The following ANKFN1 variants were observed in gnomAD, a reference collection of about 807,000 sequenced individuals.
The protein encoded by ANKFN1 is ankyrin repeat and fibronectin type III domain containing 1.
In ANKFN1, 74 loss-of-function variants were observed where a neutral mutation model predicts 108.7. The observed-to-expected ratio is 0.68, with a 90% CI of 0.56 to 0.83. ANKFN1 has a LOEUF of 0.83. ANKFN1 is among the 40% of genes least tolerant of loss of function. ANKFN1 has a pLI of 0.00. For missense variants in ANKFN1, 1,505 were observed against 1,382.3 expected (o/e 1.09, Z -1.41); for synonymous variants, 547 against 516.2 (o/e 1.06, Z -0.81).
At chr17:56,348,784 T>C (rs1301648503) in intron 4 of ANKFN1, among the ~76,000 whole-genome samples, 1 of 152,066 alleles carries the variant, frequency 6.6e-6, no homozygotes, top group Non-Finnish European at 1.5e-5. Flanking sequence ...ACTTTTACAG[T>C]ATTGGTGGGA....
At chr17:56,407,813 A>G (rs2047965632) in intron 8 of ANKFN1, among the ~76,000 whole-genome samples, 2 of 152,208 alleles carry the variant, frequency 1.3e-5, no homozygotes, top group African/African-American at 4.8e-5. Context: ...ATAAGTTTCA[A>G]TAAAATTTCT....
At chr17:56,439,961 A>G (rs1481915059) in intron 8 of ANKFN1, among the ~76,000 whole-genome samples, 1 of 152,120 alleles carries the variant, frequency 6.6e-6, no homozygotes, top group East Asian at 1.9e-4. Context: ...ACACAAATGC[A>G]CACACACACA....
intron 4 of ANKFN1, among the ~76,000 whole-genome samples, chr17:56,076,776 A>G (rs1905186888): frequency 6.6e-6 from 1 of 152,198 alleles, no homozygotes; most frequent in Non-Finnish European, 1.5e-5. Flanking sequence ...AATTATTATC[A>G]TATGCAGGTA....
At chr17:56,476,749 A>T (rs2050513641) in intron 15 of ANKFN1, among the ~76,000 whole-genome samples, 1 of 152,242 alleles carries the variant, frequency 6.6e-6, no homozygotes, top group South Asian at 2.1e-4. Flanking sequence ...AAAAATGTGA[A>T]GACTTCAAAT....
chr17:56,169,334 C>T (rs1012507296), intron 1 of ANKFN1, among the ~76,000 whole-genome samples: 3 of 152,036 alleles, frequency 2.0e-5, no homozygotes, highest in Non-Finnish European at 4.4e-5. Flanking sequence ...TGCAGTGGCA[C>T]AATCATAGCT....
intron 10 of ANKFN1, among the ~76,000 whole-genome samples, chr17:56,444,344 T>TC (rs1248029093): frequency 6.6e-6 from 1 of 152,220 alleles, no homozygotes; most frequent in Admixed American, 6.5e-5. Context: ...TGTCCATGTG[T>TC]CTTCATAACT....
At chr17:56,108,301 TG>T (rs1905789342) in intron 4 of ANKFN1, among the ~76,000 whole-genome samples, 1 of 152,222 alleles carries the variant, frequency 6.6e-6, no homozygotes. Context: ...CCCAAAGTGC[TG>T]GGATTACAGG....
chr17:56,369,022 T>C lies in ANKFN1; in HGVS notation c.602-3624T>C, dbSNP rs542349284. 2.6e-4 allele frequency among the ~76,000 whole-genome samples: 39 copies of C among 152,320 alleles called. No individual in the cohort carries two copies. In the South Asian group the frequency reaches 7.7e-3, roughly 30 times the overall value. On this transcript the variant is annotated intron_variant, in intron 6 of 20. Coordinates refer to ENST00000682825, the MANE Select transcript of ANKFN1 (RefSeq NM_001370326.1). The stretch of plus-strand genomic sequence containing the variant: ...TGCATTCTAATGCATGTATTCGGGT[T>C]AGGGGAATGGAAGGAATGCTCAGAA...
At position 56,470,180 on chromosome 17, in the gene ANKFN1, G is replaced by A. The variant is rs1049049950; in HGVS notation, c.1773+3609G>A. Among the ~76,000 whole-genome samples, 3 of 152,096 alleles carry A rather than the reference G, an allele frequency of 2.0e-5. No individual in the cohort carries two copies. In the East Asian group the frequency reaches 5.8e-4, roughly 29 times the overall value. ...ATATGCACCACATTTTCTTTATCCAGTCTATCATTGATGGGCATTTGAGTT... is the reference window on the plus strand; with the variant it reads ...ATATGCACCACATTTTCTTTATCCAATCTATCATTGATGGGCATTTGAGTT... On this transcript the variant is annotated intron_variant, in intron 15 of 20. Transcript: ENST00000682825.
intron 1 of ANKFN1, among the ~76,000 whole-genome samples, chr17:56,185,147 C>G (rs1912068650): frequency 6.6e-6 from 1 of 152,108 alleles, no homozygotes; most frequent in South Asian, 2.1e-4. Flanking sequence ...AAACTCCAAT[C>G]CCAAATGTCA....
At position 56,261,053 on chromosome 17, in the gene ANKFN1, G is replaced by C. The variant is rs1034628997; in HGVS notation, c.53+33096G>C. Among the ~76,000 whole-genome samples the C allele has an allele frequency of 2.6e-5, 4 of 152,152 alleles. No individual in the cohort carries two copies. The South Asian group carries it at 8.3e-4, about 32-fold the overall frequency. On this transcript the variant is annotated intron_variant, in intron 3 of 20. Coordinates refer to ENST00000682825, the MANE Select transcript of ANKFN1 (RefSeq NM_001370326.1). ...TTCTGCATCTTGCATTTGCTTTTTG[G>C]CTTCCTCATTTGGCACCTAAATTAA...
rs891944674 is a variant in ANKFN1, at chr17:56,096,853, G to T, written c.288+50528G>T. Among the ~76,000 whole-genome samples, 4 of 152,150 alleles carry T rather than the reference G, an allele frequency of 2.6e-5. No homozygotes were observed. In the East Asian group the frequency reaches 7.7e-4, roughly 29 times the overall value. On this transcript the variant is annotated intron_variant, in intron 4 of 12. Coordinates refer to the ANKFN1 transcript ENST00000635860. The stretch of plus-strand genomic sequence containing the variant: ...CAATATTCACAATAGTGAAGATAAA[G>T]AACCAACTTAAATGTCTATCAACAG...
chr17:56,167,318 C>CATAT (rs72496812), intron 1 of ANKFN1, among the ~76,000 whole-genome samples: 3,389 of 133,144 alleles, frequency 0.025, 78 homozygotes, highest in African/African-American at 0.053. Context: ...CACACACACA[C>CATAT]ATATATATAT....
chr17:56,375,710 G>C (rs1598481749), intron 8 of ANKFN1, among the ~76,000 whole-genome samples: 2 of 152,184 alleles, frequency 1.3e-5, no homozygotes, highest in Admixed American at 1.3e-4. Flanking sequence ...ATTGGGAAAA[G>C]AAAGGGAAAG....
chr17:56,503,377 C>T (rs2051439034), intron 20 of ANKFN1, among the ~76,000 whole-genome samples: 2 of 150,784 alleles, frequency 1.3e-5, no homozygotes, highest in South Asian at 2.1e-4. Context: ...GAACAAACCC[C>T]GGAGGTTCTA....
intron 4 of ANKFN1, among the ~76,000 whole-genome samples, chr17:56,079,952 A>G (rs1412207106): frequency 3.9e-5 from 6 of 152,248 alleles, no homozygotes; most frequent in African/African-American, 7.2e-5. Context: ...AGACATGTCA[A>G]CAAAGTAACT....
At chr17:56,089,850 T>C (rs949117517) in intron 4 of ANKFN1, among the ~76,000 whole-genome samples, 1 of 151,300 alleles carries the variant, frequency 6.6e-6, no homozygotes, top group South Asian at 2.1e-4. Flanking sequence ...GAGCCTTTGT[T>C]TCCTCATCCA....
intron 4 of ANKFN1, among the ~76,000 whole-genome samples, chr17:56,339,335 G>C (rs1308476493): frequency 1.3e-5 from 2 of 151,880 alleles, no homozygotes; most frequent in Non-Finnish European, 2.9e-5. Context: ...TAAGTTCAGG[G>C]TATCAGTGCA....
chr17:56,371,105 A>G (rs2046800748), intron 6 of ANKFN1, among the ~76,000 whole-genome samples: 2 of 151,970 alleles, frequency 1.3e-5, no homozygotes, highest in African/African-American at 4.8e-5. Flanking sequence ...CTTTATATTT[A>G]TTTGTTTATT....
Sources: gnomAD v4.1 joint callset for allele counts (sites outside exome capture counted in the v4.1 genomes callset) on GRCh38, gnomAD v4.1.1 for gene constraint, MANE v1.5 for transcripts, NCBI Gene and HGNC (gene_info 2026-07-23, HGNC 2026-07-21) for gene names.